The following NTRK3 variants were observed in gnomAD, a reference collection of about 807,000 sequenced individuals.
The protein encoded by NTRK3 is neurotrophic receptor tyrosine kinase 3.
A neutral mutation model predicts 91.7 loss-of-function variants in NTRK3; 24 were observed. The ratio of observed to expected loss-of-function variants is 0.26; its 90% CI spans 0.19 to 0.37. NTRK3 has a LOEUF of 0.37. Ranked by LOEUF, NTRK3 falls within the 10% of genes least tolerant of loss-of-function variation. The pLI, the probability that NTRK3 is intolerant of heterozygous loss-of-function variation, is 1.00. For synonymous variants in NTRK3, 483 were observed against 404.0 expected (o/e 1.20, Z -2.34); for missense variants, 880 against 1,068.9 (o/e 0.82, Z 2.46).
chr15:87,940,769 A>G lies in NTRK3; in HGVS notation c.1586-16T>C. 2 of 1,614,144 alleles carry G rather than the reference A, an allele frequency of 1.2e-6. No homozygotes were observed. Among genetic ancestry groups the G allele is most frequent in the South Asian group, 1.1e-5 (1 of 91,086 alleles). ...TGCTGCACATCTGTAGGATGGGGAC[A>G]AAGAGGAGGGCAGCAAATCAGTCCT... On this transcript the variant is annotated splice_polypyrimidine_tract_variant and intron_variant, in intron 14 of 18. Coordinates refer to ENST00000394480, the Ensembl canonical transcript of NTRK3.
intron 13 of NTRK3, 42 bp downstream of exon 13, chr15:88,126,229 T>G (rs755544347): frequency 7.2e-7 from 1 of 1,382,866 alleles, no homozygotes; most frequent in Non-Finnish European, 1.0e-6. Context: ...AGCAGTAATG[T>G]TTCCCCCCAT....
At chr15:88,206,607 G>A (rs571752293) in intron 3 of NTRK3, among the ~76,000 whole-genome samples, 6 of 147,350 alleles carry the variant, frequency 4.1e-5, no homozygotes, top group East Asian at 2.1e-4. Flanking sequence ...GCAGTGAGCC[G>A]AGATTGCGCC....
rs2065432243 is a variant in NTRK3, at chr15:87,884,609, A to G, written c.2134-4181T>C. 2.0e-5 allele frequency among the ~76,000 whole-genome samples: 3 copies of G among 151,760 alleles called. No homozygotes were observed. In the South Asian group the frequency reaches 6.2e-4, roughly 31 times the overall value. On this transcript the variant is annotated intron_variant, in intron 17 of 18. Transcript: ENST00000394480. Reference sequence around the variant, plus strand: ...TATACTCTCCAAATACAAATAAAATATTTATCAAATCAGCACTATATTACA... The same window carrying G: ...TATACTCTCCAAATACAAATAAAATGTTTATCAAATCAGCACTATATTACA...
chr15:88,032,796 T>C (rs2078670583), intron 14 of NTRK3, 61 bp downstream of exon 14: 1 of 1,588,362 alleles, frequency 6.3e-7, no homozygotes, highest in Non-Finnish European at 8.6e-7. Flanking sequence ...CCCAGGTACA[T>C]GGTCTATCAC....
chr15:88,046,260 A>AC (rs1296667667), intron 13 of NTRK3, among the ~76,000 whole-genome samples: 2 of 152,164 alleles, frequency 1.3e-5, no homozygotes, highest in African/African-American at 4.8e-5. Context: ...TGACCTACAG[A>AC]CTATAGTTCA....
chr15:88,163,723 C>G (rs2044676989), intron 5 of NTRK3, among the ~76,000 whole-genome samples: 1 of 152,154 alleles, frequency 6.6e-6, no homozygotes, highest in Admixed American at 6.5e-5. Context: ...TCCAAGGATA[C>G]AAGACTAATT....
At chr15:88,206,759 G>T (rs2048830009) in intron 3 of NTRK3, among the ~76,000 whole-genome samples, 2 of 152,044 alleles carry the variant, frequency 1.3e-5, no homozygotes, top group African/African-American at 2.4e-5. Context: ...GGCGGGGCCG[G>T]GTCTTTCCTG....
intron 17 of NTRK3, among the ~76,000 whole-genome samples, chr15:87,920,621 T>C (rs1448968599): frequency 1.3e-5 from 2 of 152,210 alleles, no homozygotes; most frequent in Non-Finnish European, 2.9e-5. Context: ...GACTGCACAG[T>C]TCTAAAAGAT....
chr15:88,118,251 G>A (rs545380747), intron 13 of NTRK3, among the ~76,000 whole-genome samples: 13 of 152,300 alleles, frequency 8.5e-5, no homozygotes, highest in Non-Finnish European at 1.9e-4. Context: ...CGCGGGTCTT[G>A]GGTACTGCAG....
chr15:88,179,467 T>C (rs968489366), intron 5 of NTRK3, among the ~76,000 whole-genome samples: 4 of 152,168 alleles, frequency 2.6e-5, no homozygotes, highest in African/African-American at 4.8e-5. Flanking sequence ...GTTATGAGAA[T>C]TCAATGAGAT....
intron 17 of NTRK3, among the ~76,000 whole-genome samples, chr15:87,922,218 C>G (rs1158760716): frequency 6.6e-6 from 1 of 152,224 alleles, no homozygotes; most frequent in Non-Finnish European, 1.5e-5. Flanking sequence ...ACTTGACTTT[C>G]ATCTGAGAGT....
intron 5 of NTRK3, among the ~76,000 whole-genome samples, chr15:88,158,960 A>G (rs2044180123): frequency 6.6e-6 from 1 of 152,218 alleles, no homozygotes; most frequent in Non-Finnish European, 1.5e-5. Flanking sequence ...CTACTGACTA[A>G]AAGCAAAGCA....
chr15:87,982,502 G>A (rs2074374490), intron 14 of NTRK3, among the ~76,000 whole-genome samples: 2 of 152,184 alleles, frequency 1.3e-5, no homozygotes, highest in Non-Finnish European at 2.9e-5. Flanking sequence ...AAAACATTCA[G>A]CACAAAGGTA....
At chr15:87,921,898 A>G (rs1190727674) in intron 17 of NTRK3, among the ~76,000 whole-genome samples, 1 of 151,654 alleles carries the variant, frequency 6.6e-6, no homozygotes. Flanking sequence ...AAAAAAAACT[A>G]TTGTTGCTGC....
chr15:87,874,239 T>C (rs2064892535), exon 19 of NTRK3: 1 of 87,818 alleles, frequency 1.1e-5, no homozygotes, highest in Non-Finnish European at 1.9e-5. Flanking sequence ...AAGGCTAATA[T>C]ATCAAAGTAA....
At chr15:88,209,559 A>G (rs1485252437) in intron 3 of NTRK3, among the ~76,000 whole-genome samples, 1 of 152,240 alleles carries the variant, frequency 6.6e-6, no homozygotes, top group South Asian at 2.1e-4. Flanking sequence ...AAGGCAACAC[A>G]GAGATAAGCA....
chr15:88,180,705 C>T (rs1373139647), intron 5 of NTRK3, among the ~76,000 whole-genome samples: 1 of 139,964 alleles, frequency 7.1e-6, no homozygotes, highest in Non-Finnish European at 1.5e-5. Flanking sequence ...AAAAAAGCCA[C>T]CAAGCCAGGG....
chr15:87,938,261 C>A (rs1023710082), intron 15 of NTRK3, among the ~76,000 whole-genome samples: 1 of 152,150 alleles, frequency 6.6e-6, no homozygotes, highest in Admixed American at 6.5e-5. Flanking sequence ...AACTGCTGGG[C>A]AAAACATTTT....
At chr15:88,224,327 C>G (rs2050493049) in intron 3 of NTRK3, among the ~76,000 whole-genome samples, 1 of 152,164 alleles carries the variant, frequency 6.6e-6, no homozygotes, top group African/African-American at 2.4e-5. Context: ...AGTCTGAGGC[C>G]TGGAGAGCAA....
Sources: allele counts gnomAD v4.1 joint callset (sites outside exome capture counted in the v4.1 genomes callset), GRCh38; gene constraint gnomAD v4.1.1; transcripts MANE v1.5; gene names NCBI Gene and HGNC (gene_info 2026-07-23, HGNC 2026-07-21).